The following MAP2K3 variants were observed in gnomAD, a reference collection of about 807,000 sequenced individuals.
MAP2K3 encodes dual specificity mitogen-activated protein kinase kinase 3.
In MAP2K3, 30 loss-of-function variants were observed where a neutral mutation model predicts 46.4. The ratio of observed to expected loss-of-function variants is 0.65; its 90% CI spans 0.48 to 0.88. MAP2K3 has a LOEUF of 0.88. Ranked by LOEUF, MAP2K3 falls within the 40% of genes least tolerant of loss-of-function variation. The pLI, the probability that MAP2K3 is intolerant of heterozygous loss-of-function variation, is 0.00. For missense variants in MAP2K3, 380 were observed against 464.5 expected, an observed-to-expected ratio of 0.82 and a Z score of 1.67; for synonymous variants, 189 against 176.3, an observed-to-expected ratio of 1.07 and a Z score of -0.57.
chr17:21,312,332 T>A, intron 10 of MAP2K3, 51 bp downstream of exon 10: 1 of 1,516,092 alleles, frequency 6.6e-7, no homozygotes, highest in Non-Finnish European at 8.8e-7. Flanking sequence ...CCTGGCCAGA[T>A]CCCTGCACCT....
At chr17:21,301,612 T>C (rs1976605067) in intron 5 of MAP2K3, among the ~76,000 whole-genome samples, 1 of 152,302 alleles carries the variant, frequency 6.6e-6, no homozygotes, top group African/African-American at 2.4e-5. Context: ...TCGTCACTCA[T>C]GAAGAGCTCA....
intron 1 of MAP2K3, among the ~76,000 whole-genome samples, chr17:21,292,519 C>T (rs1597803189): frequency 6.6e-6 from 1 of 152,426 alleles, no homozygotes; most frequent in Non-Finnish European, 1.5e-5. Context: ...ACCACGCCCA[C>T]TACATTTTTG....
chr17:21,289,196 A>C (rs544073502), intron 1 of MAP2K3, among the ~76,000 whole-genome samples: 2 of 152,280 alleles, frequency 1.3e-5, no homozygotes, highest in African/African-American at 4.8e-5. Flanking sequence ...CTGGTCCCCA[A>C]CGTGGGGCTG....
In MAP2K3 at chr17:21,304,239, C is replaced by G. The variant is rs941270728; in HGVS notation, c.569-187C>G. On this transcript the variant is annotated intron_variant, in intron 7 of 11. Transcript: ENST00000342679. The stretch of plus-strand genomic sequence containing the variant: ...GACCAAGTATGACTCTCAGCTGGCC[C>G]GGCACCTCTTGCAGCCTCAGTTCCC... Among the ~76,000 whole-genome samples the G allele has an allele frequency of 4.6e-5, 7 of 152,426 alleles. No homozygotes were observed. In the East Asian group the frequency reaches 1.3e-3, roughly 29 times the overall value.
chr17:21,311,286 C>T (rs1977147671), intron 9 of MAP2K3, among the ~76,000 whole-genome samples: 4 of 152,122 alleles, frequency 2.6e-5, no homozygotes, highest in South Asian at 4.1e-4. Flanking sequence ...TCTTCCAGGC[C>T]GGGGCCAGGG....
chr17:21,306,917 C>T (rs1976915635), intron 9 of MAP2K3, among the ~76,000 whole-genome samples: 1 of 152,308 alleles, frequency 6.6e-6, no homozygotes, highest in African/African-American at 2.4e-5. Context: ...TCCTGAGTAG[C>T]TGGAACTACA....
At chr17:21,308,551 G>C (rs1267972459) in intron 9 of MAP2K3, among the ~76,000 whole-genome samples, 1 of 152,296 alleles carries the variant, frequency 6.6e-6, no homozygotes, top group Non-Finnish European at 1.5e-5. Flanking sequence ...CAGAGAGGTG[G>C]GACTGGGCCA....
chr17:21,294,102 A>G (rs1413461463), intron 1 of MAP2K3, among the ~76,000 whole-genome samples: 26 of 152,298 alleles, frequency 1.7e-4, no homozygotes, highest in Non-Finnish European at 3.4e-4. Context: ...GCCTGTGCCC[A>G]CTTCTCGGGG....
At chr17:21,295,725 G>T (rs2885719) in intron 1 of MAP2K3, 1 of 1,288,396 alleles carries the variant, frequency 7.8e-7, no homozygotes, top group Admixed American at 2.3e-5. Flanking sequence ...TGCGAGGAGC[G>T]TGGTCCCCAC....
At chr17:21,300,774 C>A (rs1413096734) in intron 4 of MAP2K3, 100 bp from the exon 5 acceptor site, 1 of 1,608,474 alleles carries the variant, frequency 6.2e-7, no homozygotes, top group Admixed American at 1.7e-5. Flanking sequence ...CTTTTTGGGG[C>A]ACACTGGGCA....
intron 1 of MAP2K3, among the ~76,000 whole-genome samples, chr17:21,292,510 C>G (rs368346266): frequency 4.7e-3 from 711 of 151,952 alleles, no homozygotes; most frequent in African/African-American, 0.016. Context: ...GCACGCACCA[C>G]CACGCCCACT....
chr17:21,304,027 G>A (rs1211848587), intron 7 of MAP2K3, among the ~76,000 whole-genome samples: 4 of 151,736 alleles, frequency 2.6e-5, no homozygotes, highest in Admixed American at 6.6e-5. Flanking sequence ...GTCCAAACAC[G>A]CAGATCCTGC....
At chr17:21,299,480 G>A (rs1976465415) in intron 3 of MAP2K3, among the ~76,000 whole-genome samples, 1 of 152,298 alleles carries the variant, frequency 6.6e-6, no homozygotes, top group African/African-American at 2.4e-5. Flanking sequence ...CTCGGAGCTC[G>A]GGACCAGGCC....
chr17:21,310,012 GT>G (rs949579839), intron 9 of MAP2K3, among the ~76,000 whole-genome samples: 50 of 141,882 alleles, frequency 3.5e-4, no homozygotes, highest in Admixed American at 3.5e-4. Context: ...TTTTTTTGTT[GT>G]TTTTTTTTTT....
chr17:21,302,755 A>G (rs1976677626), intron 6 of MAP2K3, among the ~76,000 whole-genome samples: 1 of 152,312 alleles, frequency 6.6e-6, no homozygotes, highest in South Asian at 2.1e-4. Flanking sequence ...GACTGGTTCA[A>G]TCCTCACTGC....
At chr17:21,312,413 C>T in intron 10 of MAP2K3, 132 bp downstream of exon 10, 4 of 891,002 alleles carry the variant, frequency 4.5e-6, no homozygotes, top group Non-Finnish European at 6.4e-6. Flanking sequence ...ATATGTAAGG[C>T]AGAAACAGCT....
intron 6 of MAP2K3, among the ~76,000 whole-genome samples, chr17:21,302,633 G>C (rs1445870264): frequency 6.6e-6 from 1 of 152,312 alleles, no homozygotes; most frequent in Admixed American, 6.5e-5. Context: ...TGGGGGAAAG[G>C]TTAGCATCCA....
At chr17:21,301,937 G>A (rs574826128) in intron 5 of MAP2K3, among the ~76,000 whole-genome samples, 24 of 152,394 alleles carry the variant, frequency 1.6e-4, no homozygotes, top group African/African-American at 4.8e-4. Flanking sequence ...GGAGGCTGGC[G>A]CCCGAACCTG....
chr17:21,293,582 C>T (rs4989780), intron 1 of MAP2K3, among the ~76,000 whole-genome samples: 5 of 152,428 alleles, frequency 3.3e-5, no homozygotes, highest in East Asian at 3.8e-4. Context: ...GGGGATCCCC[C>T]GTTCTCTGCA....
Sources: allele counts gnomAD v4.1 joint callset (sites outside exome capture counted in the v4.1 genomes callset), GRCh38; gene constraint gnomAD v4.1.1; transcripts MANE v1.5; gene names NCBI Gene and HGNC (gene_info 2026-07-23, HGNC 2026-07-21).